The following SLC4A10 variants were observed in gnomAD, a reference collection of about 807,000 sequenced individuals.
SLC4A10 encodes the protein sodium-driven chloride bicarbonate exchanger.
Under a neutral mutation model 137.7 loss-of-function variants are expected in SLC4A10, and 42 were observed. That is an observed-to-expected ratio of 0.30 (90% CI 0.24 to 0.39). The LOEUF (loss-of-function observed/expected upper bound fraction) is 0.39, where lower values mean the gene tolerates loss of function less well. Among genes scored for constraint, SLC4A10 ranks in the 10% least tolerant of loss-of-function variants. SLC4A10 has a pLI of 1.00. For missense variants in SLC4A10, 925 were observed against 1,355.0 expected, an observed-to-expected ratio of 0.68 and a Z score of 4.98; for synonymous variants, 474 against 464.1, an observed-to-expected ratio of 1.02 and a Z score of -0.27.
intron 2 of SLC4A10, among the ~76,000 whole-genome samples, chr2:161,804,142 AT>A (rs139629515): frequency 1.3e-5 from 2 of 151,956 alleles, no homozygotes; most frequent in Non-Finnish European, 2.9e-5. Context: ...ATAAAAAACA[AT>A]TTTTTTTCTA....
chr2:161,659,307 T>A (rs2037980630), intron 1 of SLC4A10, among the ~76,000 whole-genome samples: 2 of 152,354 alleles, frequency 1.3e-5, no homozygotes, highest in African/African-American at 4.8e-5. Context: ...ATACTGCATG[T>A]TCTCACTTAT....
At chr2:161,669,397 A>C (rs2039443708) in intron 1 of SLC4A10, among the ~76,000 whole-genome samples, 1 of 151,778 alleles carries the variant, frequency 6.6e-6, no homozygotes, top group Non-Finnish European at 1.5e-5. Context: ...ACGTACATAT[A>C]ACACACAGAC....
chr2:161,920,899 T>C (rs1336989942), intron 15 of SLC4A10, among the ~76,000 whole-genome samples: 1 of 152,228 alleles, frequency 6.6e-6, no homozygotes, highest in Non-Finnish European at 1.5e-5. Flanking sequence ...TGGTATAAAA[T>C]GAATACAATA....
At chr2:161,654,039 C>G (rs1165791967) in intron 1 of SLC4A10, among the ~76,000 whole-genome samples, 3 of 152,130 alleles carry the variant, frequency 2.0e-5, no homozygotes, top group Non-Finnish European at 4.4e-5. Context: ...TATATCCTAA[C>G]ACTTGTTATC....
chr2:161,970,330 C>T (rs1698309491), intron 23 of SLC4A10, among the ~76,000 whole-genome samples: 1 of 152,090 alleles, frequency 6.6e-6, no homozygotes, highest in Non-Finnish European at 1.5e-5. Flanking sequence ...TATGTATTGG[C>T]TCTTCTATCC....
Position 161,659,691 on chromosome 2 carries a change from G to A in SLC4A10, c.48+35125G>A, listed in dbSNP as rs187273463. Among the ~76,000 whole-genome samples, 474 of 152,110 alleles carry A rather than the reference G, an allele frequency of 3.1e-3. 5 individuals carry two copies. The highest frequency in any genetic ancestry group is 1.9e-3 in the Non-Finnish European group (128 of 67,972). On this transcript the variant is annotated intron_variant, in intron 1 of 26. Transcript: ENST00000446997. ...TTGCAAAGGAAAACATATGTCCACA[G>A]AAAAACCTGTAGAAGAATGTTCATA...
chr2:161,796,593 TC>T (rs1345935496), intron 2 of SLC4A10, among the ~76,000 whole-genome samples: 1 of 152,220 alleles, frequency 6.6e-6, no homozygotes, highest in African/African-American at 2.4e-5. Flanking sequence ...AGGAATATAT[TC>T]CAACTCTTGT....
intron 24 of SLC4A10, among the ~76,000 whole-genome samples, chr2:161,975,493 T>G (rs988400291): frequency 6.6e-6 from 1 of 152,200 alleles, no homozygotes; most frequent in Non-Finnish European, 1.5e-5. Context: ...CTTCCTCACA[T>G]AATATCATGA....
At chr2:161,686,262 A>G (rs1436330227) in intron 1 of SLC4A10, among the ~76,000 whole-genome samples, 1 of 152,222 alleles carries the variant, frequency 6.6e-6, no homozygotes, top group Admixed American at 6.5e-5. Context: ...TTAAAAGCAC[A>G]TTGTTATGTT....
intron 5 of SLC4A10, among the ~76,000 whole-genome samples, chr2:161,860,345 A>T (rs1444338304): frequency 1.3e-5 from 2 of 152,154 alleles, no homozygotes; most frequent in Non-Finnish European, 2.9e-5. Flanking sequence ...GCCTGGAAAC[A>T]TTGTGCTTTA....
chr2:161,874,008 G>A lies in SLC4A10; in HGVS notation c.948+3G>A. The A allele has an allele frequency of 6.3e-7, 1 of 1,585,930 alleles. No individual in the cohort carries two copies. Among genetic ancestry groups the A allele is most frequent in the South Asian group, 1.1e-5 (1 of 88,700 alleles). On this transcript the variant is annotated splice_donor_region_variant and intron_variant, in intron 8 of 26. Coordinates refer to ENST00000446997, the MANE Select transcript of SLC4A10 (RefSeq NM_001178015.2). ...CTCCACACCAGCAAGAGAGAGAGGTGAGGGCATACTCGGGCTCTATTTCTA... is the reference window on the plus strand; with the variant it reads ...CTCCACACCAGCAAGAGAGAGAGGTAAGGGCATACTCGGGCTCTATTTCTA...
intron 1 of SLC4A10, among the ~76,000 whole-genome samples, chr2:161,679,686 CGTGTGTGTGTGT>C (rs67726464): frequency 4.4e-5 from 6 of 136,736 alleles, no homozygotes; most frequent in East Asian, 2.1e-4. Flanking sequence ...TGTAGGTCAA[CGTGTGTGTGTGT>C]GTGTGTGTGT....
At chr2:161,810,078 G>T (rs1441595479) in intron 3 of SLC4A10, among the ~76,000 whole-genome samples, 1 of 151,972 alleles carries the variant, frequency 6.6e-6, no homozygotes, top group East Asian at 1.9e-4. Flanking sequence ...AGTTCTCCTT[G>T]TAGAAATCTT....
At chr2:161,947,451 C>T (rs1694024970) in intron 16 of SLC4A10, 115 bp from the exon 17 acceptor site, 2 of 1,033,168 alleles carry the variant, frequency 1.9e-6, no homozygotes, top group African/African-American at 3.3e-5. Context: ...TTGTGAGAGC[C>T]ATAAAGGAAA....
chr2:161,970,223 A>T (rs1405773069), intron 23 of SLC4A10, among the ~76,000 whole-genome samples: 1 of 152,216 alleles, frequency 6.6e-6, no homozygotes, highest in Admixed American at 6.5e-5. Flanking sequence ...AGAGACACAG[A>T]ATCTAATATT....
intron 16 of SLC4A10, among the ~76,000 whole-genome samples, chr2:161,943,265 G>C (rs983730463): frequency 2.0e-5 from 3 of 152,064 alleles, no homozygotes; most frequent in Non-Finnish European, 2.9e-5. Context: ...TGCTGCTCCA[G>C]CTGTTCCGGA....
intron 19 of SLC4A10, among the ~76,000 whole-genome samples, chr2:161,952,608 C>A (rs1317835152): frequency 1.3e-5 from 2 of 152,196 alleles, no homozygotes; most frequent in African/African-American, 4.8e-5. Flanking sequence ...TACAGCAAAT[C>A]TGGCTTAATC....
chr2:161,646,799 T>C (rs532084690), intron 1 of SLC4A10, among the ~76,000 whole-genome samples: 2 of 152,190 alleles, frequency 1.3e-5, no homozygotes, highest in African/African-American at 4.8e-5. Context: ...TTTTTATCCT[T>C]GACACAGTGA....
intron 19 of SLC4A10, among the ~76,000 whole-genome samples, chr2:161,955,927 G>A (rs1031038010): frequency 2.6e-5 from 4 of 151,988 alleles, no homozygotes; most frequent in African/African-American, 4.8e-5. Context: ...TGTTTGATGC[G>A]TATTTTATTT....
Sources: allele counts gnomAD v4.1 joint callset (sites outside exome capture counted in the v4.1 genomes callset), GRCh38; gene constraint gnomAD v4.1.1; transcripts MANE v1.5; gene names NCBI Gene and HGNC (gene_info 2026-07-23, HGNC 2026-07-21).